Variants in RNF150 observed in about 807,000 individuals in gnomAD.
RNF150 encodes the protein ring finger protein 150.
A neutral mutation model predicts 39.3 loss-of-function variants in RNF150; 24 were observed. That is an observed-to-expected ratio of 0.61 (90% CI 0.44 to 0.86). The LOEUF (loss-of-function observed/expected upper bound fraction) is 0.86. Ranked by LOEUF, RNF150 falls within the 40% of genes least tolerant of loss-of-function variation. The pLI is 0.00. For synonymous variants in RNF150, 255 were observed against 227.3 expected (o/e 1.12, Z -1.10); for missense variants, 502 against 587.8 (o/e 0.85, Z 1.51).
At chr4:141,080,921 T>C (rs1738126343) in intron 1 of RNF150, among the ~76,000 whole-genome samples, 1 of 152,180 alleles carries the variant, frequency 6.6e-6, no homozygotes, top group Non-Finnish European at 1.5e-5. Flanking sequence ...GGGCCGAATG[T>C]GAGAAGTCTG....
intron 1 of RNF150, among the ~76,000 whole-genome samples, chr4:141,024,461 G>A (rs2110798214): frequency 6.6e-6 from 1 of 152,222 alleles, no homozygotes; most frequent in Admixed American, 6.5e-5. Context: ...GCAGAAGCAA[G>A]TACAAACATC....
chr4:140,972,712 CCCTT>C (rs1733513023), intron 1 of RNF150, among the ~76,000 whole-genome samples: 1 of 152,114 alleles, frequency 6.6e-6, no homozygotes, highest in Non-Finnish European at 1.5e-5. Flanking sequence ...TCCCTTCTCT[CCCTT>C]CCTTTTGACT....
At chr4:140,998,264 A>G (rs73858689) in intron 1 of RNF150, among the ~76,000 whole-genome samples, 11,539 of 152,248 alleles carry the variant, frequency 0.076, 492 homozygotes, top group Middle Eastern at 0.16. Context: ...CTGTACATGA[A>G]GACAGGGCCT....
intron 4 of RNF150, among the ~76,000 whole-genome samples, chr4:140,945,259 C>G (rs1054226957): frequency 6.6e-6 from 1 of 152,022 alleles, no homozygotes; most frequent in Non-Finnish European, 1.5e-5. Context: ...ATTAAAATCC[C>G]TAAGGTTTTA....
At chr4:141,188,125 C>T (rs190042202) in intron 1 of RNF150, among the ~76,000 whole-genome samples, 4 of 152,210 alleles carry the variant, frequency 2.6e-5, no homozygotes, top group East Asian at 3.9e-4. Context: ...TGGCTGAATA[C>T]GAAATTCTGG....
chr4:140,869,680 G>A (rs942762300), intron 6 of RNF150, among the ~76,000 whole-genome samples: 6 of 152,194 alleles, frequency 3.9e-5, no homozygotes, highest in Non-Finnish European at 4.4e-5. Context: ...TATACTGGGT[G>A]CAATGTCTAA....
At chr4:141,158,982 T>C (rs1354797619) in intron 1 of RNF150, among the ~76,000 whole-genome samples, 2 of 152,244 alleles carry the variant, frequency 1.3e-5, no homozygotes, top group Non-Finnish European at 2.9e-5. Flanking sequence ...TTAAAATATG[T>C]ATGGTGTGAA....
At chr4:140,937,691 T>A (rs1731912113) in intron 4 of RNF150, among the ~76,000 whole-genome samples, 1 of 151,650 alleles carries the variant, frequency 6.6e-6, no homozygotes, top group East Asian at 1.9e-4. Context: ...ATATATATAT[T>A]ATAAAAATTA....
intron 5 of RNF150, among the ~76,000 whole-genome samples, chr4:140,921,345 C>T (rs528674816): frequency 0.019 from 2,816 of 151,766 alleles, 29 homozygotes; most frequent in East Asian, 0.039. Context: ...AACACCTCTA[C>T]ACGAATAAAC....
At chr4:140,980,343 C>T (rs1374218316) in intron 1 of RNF150, among the ~76,000 whole-genome samples, 1 of 151,880 alleles carries the variant, frequency 6.6e-6, no homozygotes, top group Non-Finnish European at 1.5e-5. Context: ...ATGCCCGATC[C>T]CCTTTAGGCT....
At chr4:140,872,750 C>G (rs1014656567) in intron 6 of RNF150, among the ~76,000 whole-genome samples, 2 of 152,166 alleles carry the variant, frequency 1.3e-5, no homozygotes, top group African/African-American at 4.8e-5. Context: ...GCCAGAGAAA[C>G]TGGAGAAGAA....
intron 1 of RNF150, among the ~76,000 whole-genome samples, chr4:141,204,788 G>T (rs557259210): frequency 6.6e-5 from 10 of 152,214 alleles, no homozygotes; most frequent in Non-Finnish European, 1.3e-4. Flanking sequence ...TTGCTGAGTT[G>T]GTTCTCAGTC....
At chr4:141,012,486 A>G (rs1225813771) in intron 1 of RNF150, among the ~76,000 whole-genome samples, 1 of 152,200 alleles carries the variant, frequency 6.6e-6, no homozygotes, top group African/African-American at 2.4e-5. Context: ...GAATACATAA[A>G]CACATACATA....
At chr4:141,053,974 A>C (rs1263006005) in intron 1 of RNF150, among the ~76,000 whole-genome samples, 1 of 152,154 alleles carries the variant, frequency 6.6e-6, no homozygotes, top group Non-Finnish European at 1.5e-5. Flanking sequence ...ACTCCTTCTA[A>C]AAACTGCATA....
At chr4:140,985,270 G>A (rs1733982309) in intron 1 of RNF150, among the ~76,000 whole-genome samples, 1 of 152,100 alleles carries the variant, frequency 6.6e-6, no homozygotes, top group South Asian at 2.1e-4. Flanking sequence ...TTCAGCATAA[G>A]TAGTTCTAGA....
At chr4:141,104,223 CA>C (rs1201882906) in intron 1 of RNF150, among the ~76,000 whole-genome samples, 1 of 152,120 alleles carries the variant, frequency 6.6e-6, no homozygotes, top group Non-Finnish European at 1.5e-5. Context: ...AAGATGACTC[CA>C]ATGTATTAGA....
intron 1 of RNF150, among the ~76,000 whole-genome samples, chr4:141,177,723 G>T (rs956471435): frequency 6.6e-6 from 1 of 152,094 alleles, no homozygotes; most frequent in Admixed American, 6.6e-5. Flanking sequence ...TGATGGAACC[G>T]AATAAATTAA....
chr4:141,092,171 C>T (rs1363863943), intron 1 of RNF150, among the ~76,000 whole-genome samples: 1 of 152,040 alleles, frequency 6.6e-6, no homozygotes, highest in Non-Finnish European at 1.5e-5. Context: ...TGGCAAAACC[C>T]TGTCTCTATT....
chr4:140,964,740 A>C (rs1479885811), intron 2 of RNF150, among the ~76,000 whole-genome samples: 1 of 152,070 alleles, frequency 6.6e-6, no homozygotes, highest in African/African-American at 2.4e-5. Flanking sequence ...TTCTAAATTC[A>C]TACAAAAATA....
Sources: gnomAD v4.1 joint callset for allele counts (sites outside exome capture counted in the v4.1 genomes callset) on GRCh38, gnomAD v4.1.1 for gene constraint, MANE v1.5 for transcripts, NCBI Gene and HGNC (gene_info 2026-07-23, HGNC 2026-07-21) for gene names.